Variants in SLC30A5 observed in about 807,000 individuals in gnomAD.
The protein encoded by SLC30A5 is solute carrier family 30 member 5.
Under a neutral mutation model 79.6 loss-of-function variants are expected in SLC30A5, and 33 were observed. The ratio of observed to expected loss-of-function variants is 0.41; its 90% confidence interval spans 0.31 to 0.55. The LOEUF (loss-of-function observed/expected upper bound fraction) is 0.55, where lower values mean the gene tolerates loss of function less well. Ranked by LOEUF, SLC30A5 falls within the 20% of genes least tolerant of loss-of-function variation. SLC30A5 has a pLI of 0.20. For synonymous variants in SLC30A5, 299 were observed against 319.7 expected (o/e 0.94, Z 0.69); for missense variants, 788 against 928.1 (o/e 0.85, Z 1.96).
Position 69,121,850 on chromosome 5 carries a change from C to A in SLC30A5, c.1726C>A (p.His576Asn). 1 of 1,613,770 alleles carries A rather than the reference C, an allele frequency of 6.2e-7. No individual in the cohort carries two copies. Among genetic ancestry groups the A allele is most frequent in the South Asian group, 1.1e-5 (1 of 90,980 alleles). Residue 576 changes from histidine to asparagine, a missense_variant, in exon 13 of 16, where the codon CAC becomes AAC. By Grantham distance (68) the His-to-Asn change is moderately conservative. Transcript: ENST00000396591. ...MHGHSDHGHG[H>N]SHGSAGGGMN... ...TGGACACAGTGACCATGGGCATGGT[C>A]ACAGCCACGGATCTGCGGGTGGAGG...
intron 12 of SLC30A5, 65 bp downstream of exon 12, chr5:69,118,693 G>T: frequency 4.5e-6 from 6 of 1,326,648 alleles, no homozygotes; most frequent in South Asian, 1.6e-5. Context: ...CTATCCTAAA[G>T]TTTAATTGTT....
intron 12 of SLC30A5, among the ~76,000 whole-genome samples, chr5:69,120,788 A>G (rs1746514183): frequency 6.6e-6 from 1 of 152,218 alleles, no homozygotes; most frequent in South Asian, 2.1e-4. Flanking sequence ...AAAAGTAATT[A>G]AAAGTATTTG....
At chr5:69,127,736 T>C (rs1372892899) in intron 14 of SLC30A5, among the ~76,000 whole-genome samples, 2 of 152,174 alleles carry the variant, frequency 1.3e-5, no homozygotes, top group African/African-American at 4.8e-5. Flanking sequence ...GGTGAGATTT[T>C]TTTTCCCCCA....
intron 1 of SLC30A5, among the ~76,000 whole-genome samples, chr5:69,095,204 T>TTC (rs1745687932): frequency 1.6e-5 from 2 of 122,822 alleles, no homozygotes; most frequent in African/African-American, 6.7e-5. Context: ...AACTTTTTTT[T>TTC]TTTTTTTTTT....
intron 12 of SLC30A5, among the ~76,000 whole-genome samples, chr5:69,120,017 CAA>C (rs35168466): frequency 1.1e-4 from 7 of 64,212 alleles, no homozygotes; most frequent in Non-Finnish European, 8.5e-5. Flanking sequence ...GACTCTGCCT[CAA>C]AAAAAAAAAA....
Position 69,100,942 on chromosome 5 carries a change from G to GT in SLC30A5, c.206+13_206+14insT. Reference sequence around the variant, plus strand: ...TATTAAAACTTGGGTGAGTGTGGGGGGGGGTTTTTTCTTGATATTTTTTAT... The same window carrying GT: ...TATTAAAACTTGGGTGAGTGTGGGGGTGGGGTTTTTTCTTGATATTTTTTAT... On this transcript the variant is annotated intron_variant, in intron 2 of 15. Coordinates refer to ENST00000396591, the MANE Select transcript of SLC30A5 (RefSeq NM_022902.5). The GT allele has an allele frequency of 6.6e-7, 1 of 1,507,624 alleles. No homozygotes were observed. Among genetic ancestry groups the GT allele is most frequent in the Non-Finnish European group, 8.9e-7 (1 of 1,118,746 alleles). The allele number at this position is 1,507,624 out of a possible 1,614,324, so 93.4% of individuals were successfully genotyped here. A position where few individuals can be genotyped will look rare whatever the true frequency, so the allele number is the denominator to read the frequency against.
intron 1 of SLC30A5, among the ~76,000 whole-genome samples, chr5:69,094,770 T>C (rs1046458912): frequency 2.6e-5 from 4 of 152,104 alleles, no homozygotes; most frequent in African/African-American, 9.7e-5. Flanking sequence ...ATACGTGAAC[T>C]TGGATGTTCA....
intron 11 of SLC30A5, among the ~76,000 whole-genome samples, chr5:69,117,895 G>C (rs952513225): frequency 7.4e-5 from 11 of 149,398 alleles, no homozygotes; most frequent in Non-Finnish European, 1.2e-4. Flanking sequence ...AAAAGACAGG[G>C]CCAGGTGCGG....
chr5:69,103,528 T>G (rs1333611664), intron 3 of SLC30A5, among the ~76,000 whole-genome samples: 5 of 152,232 alleles, frequency 3.3e-5, no homozygotes. Flanking sequence ...CTGTCCTCCT[T>G]ACTGACCCTT....
intron 4 of SLC30A5, among the ~76,000 whole-genome samples, chr5:69,106,499 C>A (rs574256673): frequency 2.0e-4 from 30 of 152,262 alleles, no homozygotes; most frequent in African/African-American, 7.0e-4. Flanking sequence ...ACCAACACTG[C>A]CCTCTCATTC....
chr5:69,127,920 G>A, intron 14 of SLC30A5, 84 bp from the exon 15 acceptor site: 2 of 1,175,432 alleles, frequency 1.7e-6, no homozygotes, highest in Admixed American at 4.1e-5. Flanking sequence ...GAATCTGTGT[G>A]TTTACTTTCT....
chr5:69,122,498 A>G (rs2111992872), intron 13 of SLC30A5, among the ~76,000 whole-genome samples: 1 of 152,280 alleles, frequency 6.6e-6, no homozygotes, highest in East Asian at 1.9e-4. Context: ...TACTAAAAAT[A>G]CATAACTTAG....
chr5:69,114,830 A>G (rs941023301), intron 7 of SLC30A5, among the ~76,000 whole-genome samples: 1 of 152,176 alleles, frequency 6.6e-6, no homozygotes, highest in Non-Finnish European at 1.5e-5. Context: ...GCGCTATTGC[A>G]CTCCAGCCTG....
At position 69,128,143 on chromosome 5, in the gene SLC30A5, G is replaced by A; in HGVS notation, c.2127+11G>A. The A allele has an allele frequency of 6.4e-7, 1 of 1,564,012 alleles. No homozygotes were observed. The highest frequency in any genetic ancestry group is 1.4e-5 in the African/African-American group (1 of 72,694). On this transcript the variant is annotated intron_variant, in intron 15 of 15. Coordinates refer to ENST00000396591, the MANE Select transcript of SLC30A5 (RefSeq NM_022902.5). Reference sequence around the variant, plus strand: ...AGAATAGTACAGCAGGTAATCTTTTGTTTTTAAAGTAATTTTAATTGAGGT... The same window carrying A: ...AGAATAGTACAGCAGGTAATCTTTTATTTTTAAAGTAATTTTAATTGAGGT...
rs1055590033 is a variant in SLC30A5 at position 69,104,795 on chromosome 5, G to A, written c.359+79G>A. 1.1e-4 allele frequency: 148 copies of A among 1,408,922 alleles called. 1 individual carries two copies. The highest frequency in any genetic ancestry group is 1.2e-4 in the East Asian group (5 of 43,028). 87.3% of individuals were successfully genotyped at this position (1,408,922 alleles called of 1,614,324 possible). On this transcript the variant is annotated intron_variant, in intron 4 of 15. Transcript: ENST00000396591. ...TTATTTTTGTTCCACTGTGTTTTACGTCAAATATTTATCTGTACAAATGTG... is the reference window on the plus strand; with the variant it reads ...TTATTTTTGTTCCACTGTGTTTTACATCAAATATTTATCTGTACAAATGTG...
intron 8 of SLC30A5, 150 bp downstream of exon 8, chr5:69,115,557 A>T (rs933671313): frequency 8.0e-5 from 54 of 676,048 alleles, no homozygotes; most frequent in Middle Eastern, 8.5e-4. Context: ...TAGTTTTTTA[A>T]AAAAAATTTG....
chr5:69,102,933 G>C (rs1055245635), intron 2 of SLC30A5, 129 bp from the exon 3 acceptor site: 1 of 451,318 alleles, frequency 2.2e-6, no homozygotes, highest in Non-Finnish European at 4.0e-6. Context: ...TAATTCTCCA[G>C]TATGATTTAT....
intron 15 of SLC30A5, among the ~76,000 whole-genome samples, chr5:69,129,179 C>T (rs530967048): frequency 3.3e-5 from 5 of 152,076 alleles, no homozygotes; most frequent in Non-Finnish European, 7.4e-5. Context: ...GAAGTGTTTT[C>T]GATTTGCGAT....
chr5:69,117,552 G>C (rs1746404838), intron 11 of SLC30A5, among the ~76,000 whole-genome samples, 156 bp downstream of exon 11: 2 of 152,152 alleles, frequency 1.3e-5, no homozygotes, highest in African/African-American at 2.4e-5. Flanking sequence ...TCGGGCATTT[G>C]ATAAATACTG....
Sources: allele counts gnomAD v4.1 joint callset (sites outside exome capture counted in the v4.1 genomes callset), GRCh38; gene constraint gnomAD v4.1.1; transcripts MANE v1.5; gene names NCBI Gene and HGNC (gene_info 2026-07-23, HGNC 2026-07-21).